SLC39A4: variants seen among roughly 807,000 people sequenced by gnomAD.
The protein encoded by SLC39A4 is zinc transporter ZIP4.
In SLC39A4, 49 loss-of-function variants were observed where a neutral mutation model predicts 56.6. That is an observed-to-expected ratio of 0.87 (90% CI 0.69 to 1.10). The LOEUF (loss-of-function observed/expected upper bound fraction) is 1.10. Among genes scored for constraint, SLC39A4 ranks in the 50% least tolerant of loss-of-function variants. The pLI is 0.00. For missense variants in SLC39A4, 993 were observed against 864.2 expected (o/e 1.15, Z -1.87); for synonymous variants, 540 against 420.4 (o/e 1.28, Z -3.48).
chr8:144,413,423 C>G, intron 9 of SLC39A4, 34 bp from the exon 10 acceptor site: 1 of 1,601,250 alleles, frequency 6.2e-7, no homozygotes, highest in Non-Finnish European at 8.5e-7. Context: ...TTCGCGTGGC[C>G]TGTCGCCTAC....
rs1554873397 is a variant in SLC39A4 at position 144,415,051 on chromosome 8, G to C, written c.727C>G (p.His243Asp). The change falls in exon 4 of 12, where the codon CAT becomes GAT. Residue 243 changes from histidine (H) to aspartate (D), a missense_variant. His to Asp is a moderately conservative substitution (Grantham distance 81, BLOSUM62 -1). Transcript: ENST00000301305. ...CGGCTGCTGGCTCCCCTGTGCCGAT[G>C]ACTGTGGTCACTGTGGGCCTCCCTG... is the stretch of plus-strand genomic sequence containing the variant. ...VGREAHSDHS[H>D]RHRGASSRDP... 7 of 1,611,568 alleles carry C rather than the reference G, an allele frequency of 4.3e-6. No homozygotes were observed. The highest frequency in any genetic ancestry group is 5.9e-6 in the Non-Finnish European group (7 of 1,179,948).
chr8:144,415,691 G>C (rs188379177), intron 2 of SLC39A4, 119 bp downstream of exon 2: 1 of 1,394,452 alleles, frequency 7.2e-7, no homozygotes. Context: ...GCCGCAGGCC[G>C]ACTCCTGGGC....
intron 10 of SLC39A4, 43 bp downstream of exon 10, chr8:144,413,194 G>A (rs1193250512): frequency 1.3e-6 from 1 of 799,006 alleles, no homozygotes; most frequent in Non-Finnish European, 1.8e-6. Flanking sequence ...TCCCAGCCCC[G>A]TGCGGCCCCG....
chr8:144,413,423 C>A (rs1554872348), intron 9 of SLC39A4, 34 bp from the exon 10 acceptor site: 13 of 1,601,250 alleles, frequency 8.1e-6, no homozygotes, highest in Non-Finnish European at 1.0e-5. Flanking sequence ...TTCGCGTGGC[C>A]TGTCGCCTAC....
In SLC39A4 at chr8:144,414,041, G is replaced by T. The variant is rs199542349; in HGVS notation, c.1204C>A (p.Arg402Ser). The T allele has an allele frequency of 1.3e-6, 2 of 1,582,568 alleles. No individual in the cohort carries two copies. Among genetic ancestry groups the T allele is most frequent in the Admixed American group, 1.8e-5 (1 of 55,270 alleles). ...EEGLSPQPTW[R>S]LLAMLAGLYA... ...AGCCCGGCCAGCATAGCCAGGAGGC[G>T]CCAGGTGGGCTGTGGGCTGAGGCCC... Residue 402 changes from arginine (R) to serine (S), a missense_variant, in exon 7 of 12, where the codon CGC becomes AGC. Coordinates refer to ENST00000301305, the MANE Select transcript of SLC39A4 (RefSeq NM_130849.4).
Position 144,413,857 on chromosome 8 carries a change from G to A in SLC39A4, c.1312C>T (p.His438Tyr), listed in dbSNP as rs535604246. The A allele has an allele frequency of 6.2e-7, 1 of 1,600,794 alleles. No homozygotes were observed. The highest frequency in any genetic ancestry group is 8.5e-7 in the Non-Finnish European group (1 of 1,176,612). The stretch of plus-strand genomic sequence containing the variant: ...TGGCCCCCGTGGCTATGGCTGCTGT[G>A]GCCGCAGGGCCCGTCCTCCAGGTCC... The part of the protein sequence containing the change: ...PEDLEDGPCG[H>Y]SSHSHGGHSH... Residue 438 changes from histidine to tyrosine, a missense_variant, in exon 8 of 12, where the codon CAC becomes TAC. His to Tyr is a moderately conservative substitution (Grantham distance 83). Transcript: ENST00000301305.
chr8:144,415,944 C>T lies in SLC39A4; in HGVS notation c.340G>A (p.Ala114Thr), dbSNP rs17855765. 781,102 of 1,591,926 alleles carry T rather than the reference C, an allele frequency of 0.49. 195,443 individuals are homozygous for T. The highest frequency in any genetic ancestry group is 0.6 in the Middle Eastern group (3,627 of 6,010). ...LSNPEGTCEDARAGLWASHAD... is the reference protein window; with the variant it reads ...LSNPEGTCEDTRAGLWASHAD... ...TGAGAGGCCCAGAGGCCAGCCCGAG[C>T]GTCCTCACAGGTGCCCTCGGGGTTG... The change falls in exon 2 of 12, where the codon GCT becomes ACT. Residue 114 changes from alanine to threonine, a missense_variant. Coordinates refer to ENST00000301305, the MANE Select transcript of SLC39A4 (RefSeq NM_130849.4).
Position 144,416,069 on chromosome 8 carries a change from A to G in SLC39A4, c.215T>C (p.Leu72Pro). 1 of 1,595,108 alleles carries G rather than the reference A, an allele frequency of 6.3e-7. No individual in the cohort carries two copies. The highest frequency in any genetic ancestry group is 8.5e-7 in the Non-Finnish European group (1 of 1,174,300). Residue 72 changes from leucine to proline, a missense_variant, in exon 2 of 12, where the codon CTG (leucine) becomes CCG (proline). Physicochemically the swap from Leu to Pro is moderately conservative, Grantham distance 98. Coordinates refer to ENST00000301305, the MANE Select transcript of SLC39A4 (RefSeq NM_130849.4). Reference protein sequence around the residue: ...CGKCLSVEDALGLGEPEGSGL... With the variant: ...CGKCLSVEDAPGLGEPEGSGL... Reference sequence around the variant, plus strand: ...TGACCCCTCAGGCTCGCCCAGGCCCAGGGCGTCCTCCACAGACAGGCACTG... The same window carrying G: ...TGACCCCTCAGGCTCGCCCAGGCCCGGGGCGTCCTCCACAGACAGGCACTG...
At position 144,413,790 on chromosome 8, in the gene SLC39A4, C is replaced by G. The variant is rs1554872607; in HGVS notation, c.1379G>C (p.Arg460Pro). The change falls in exon 8 of 12, where the codon CGG becomes CCG. Residue 460 changes from arginine (R) to proline (P), a missense_variant. By Grantham distance (103) the Arg-to-Pro change is moderately radical. Coordinates refer to ENST00000301305, the MANE Select transcript of SLC39A4 (RefSeq NM_130849.4). ...VSLQLAPSEL[R>P]QPKPPHEGSR... ...GCCCTCGTGGGGGGGCTTGGGCTGC[C>G]GGAGCTCGCTGGGTGCCAGCTGCAG... is the stretch of plus-strand genomic sequence containing the variant. The G allele has an allele frequency of 6.4e-7, 1 of 1,553,760 alleles. No homozygotes were observed. The highest frequency in any genetic ancestry group is 2.3e-4 in the Middle Eastern group (1 of 4,414).
chr8:144,414,178 GTGGGTAAGGTCCC>G, intron 6 of SLC39A4, 71 bp downstream of exon 6: 1 of 1,572,016 alleles, frequency 6.4e-7, no homozygotes, highest in Non-Finnish European at 8.6e-7. Flanking sequence ...AGGAGGTGGG[GTGGGTAAGGTCCC>G]TGGGAGGGCA....
At position 144,414,390 on chromosome 8, in the gene SLC39A4, C is replaced by A; in HGVS notation, c.1021G>T (p.Ala341Ser). Reference protein sequence around the residue: ...SLATLLICLCAVFGLLLLTCT... With the variant: ...SLATLLICLCSVFGLLLLTCT... ...GTCAGCAGCAGGAGGCCAAAGACCG[C>A]GCAGAGGCAGATGAGCAGCGTGGCC... Residue 341 changes from alanine (A) to serine (S), a missense_variant, in exon 6 of 12, where the codon GCG becomes TCG. Transcript: ENST00000301305. 4 of 1,575,942 alleles carry A rather than the reference C, an allele frequency of 2.5e-6. No homozygotes were observed. The highest frequency in any genetic ancestry group is 3.4e-6 in the Non-Finnish European group (4 of 1,161,712).
At position 144,415,389 on chromosome 8, in the gene SLC39A4, C is replaced by T; in HGVS notation, c.505G>A (p.Glu169Lys). ...ACVDIPQLLE[E>K]AVGAGAPGSA... Reference sequence around the variant, plus strand: ...CCCGGAGCCCCCGCCCCCACCGCCTCCTCCAGCAGCTGAGGGATATCTACG... The same window carrying T: ...CCCGGAGCCCCCGCCCCCACCGCCTTCTCCAGCAGCTGAGGGATATCTACG... The change falls in exon 3 of 12, where the codon GAG (glutamate) becomes AAG (lysine). Residue 169 changes from glutamate to lysine, a missense_variant. Physicochemically the swap from Glu to Lys is moderately conservative, Grantham distance 56. Coordinates refer to ENST00000301305, the MANE Select transcript of SLC39A4 (RefSeq NM_130849.4). 7 of 1,607,260 alleles carry T rather than the reference C, an allele frequency of 4.4e-6. No individual in the cohort carries two copies. The highest frequency in any genetic ancestry group is 5.9e-6 in the Non-Finnish European group (7 of 1,177,550).
intron 11 of SLC39A4, 23 bp from the exon 12 acceptor site, chr8:144,412,689 G>C (rs782399481): frequency 1.5e-5 from 25 of 1,613,626 alleles, no homozygotes; most frequent in Non-Finnish European, 2.0e-5. Context: ...TGGGCACCGG[G>C]TCAGCGCCCC....
In SLC39A4 at chr8:144,415,396, C is replaced by T. The variant is rs1554873637; in HGVS notation, c.498G>A (p.Leu166=). The T allele has an allele frequency of 6.2e-7, 1 of 1,606,502 alleles. No homozygotes were observed. ...CCCCCGCCCCCACCGCCTCCTCCAG[C>T]AGCTGAGGGATATCTACGCAGGCCT... The part of the protein sequence containing the change: ...PKMACVDIPQ[L]LEEAVGAGAP... Residue 166 remains leucine (L), a synonymous_variant, in exon 3 of 12, where the codon CTG becomes CTA. Transcript: ENST00000301305.
Position 144,414,376 on chromosome 8 carries a change from G to A in SLC39A4, c.1035C>T (p.Leu345=), listed in dbSNP as rs782166922. Reference sequence around the variant, plus strand: ...TGCAGCCAGTGCAGGTCAGCAGCAGGAGGCCAAAGACCGCGCAGAGGCAGA... The same window carrying A: ...TGCAGCCAGTGCAGGTCAGCAGCAGAAGGCCAAAGACCGCGCAGAGGCAGA... ...LLICLCAVFG[L]LLLTCTGCRG... The change falls in exon 6 of 12, where the codon CTC becomes CTT. Residue 345 remains leucine, a synonymous_variant. Transcript: ENST00000301305. 2 of 1,583,370 alleles carry A rather than the reference G, an allele frequency of 1.3e-6. No individual in the cohort carries two copies. The highest frequency in any genetic ancestry group is 1.7e-6 in the Non-Finnish European group (2 of 1,166,160).
At position 144,415,285 on chromosome 8, in the gene SLC39A4, C is replaced by T. The variant is rs147775383; in HGVS notation, c.609G>A (p.Gln203=). The change falls in exon 3 of 12, where the codon CAG becomes CAA. Residue 203 remains glutamine, a synonymous_variant. Transcript: ENST00000301305. ...GSCFHALPSP[Q]YFVDFVFQQH... ...GCTGGAACACAAAGTCCACGAAGTA[C>T]TGAGGGCTCGGCAAGGCGTGGAAGC... The T allele has an allele frequency of 5.1e-5, 82 of 1,613,282 alleles. No individual in the cohort carries two copies. The highest frequency in any genetic ancestry group is 1.3e-4 in the African/African-American group (10 of 75,030).
In SLC39A4 at chr8:144,412,658, C is replaced by T. The variant is rs782287579; in HGVS notation, c.1824G>A (p.Ala608=). 2 of 1,613,986 alleles carry T rather than the reference C, an allele frequency of 1.2e-6. No homozygotes were observed. The highest frequency in any genetic ancestry group is 2.2e-5 in the East Asian group (1 of 44,884). The change falls in exon 12 of 12, where the codon GCG becomes GCA. Residue 608 remains alanine, a synonymous_variant. Transcript: ENST00000301305. Reference sequence around the variant, plus strand: ...GCCGCGGGTCCCGTACTTTCAACATCGCCGGGAGCTGAGGAGCAAGTGGGC... The same window carrying T: ...GCCGCGGGTCCCGTACTTTCAACATTGCCGGGAGCTGAGGAGCAAGTGGGC... ...LYVALCDMLP[A]MLKVRDPRPW...
At chr8:144,413,026 C>A in intron 10 of SLC39A4, 80 bp from the exon 11 acceptor site, 7 of 1,519,116 alleles carry the variant, frequency 4.6e-6, no homozygotes, top group Non-Finnish European at 6.2e-6. Context: ...GCCCTCTTAC[C>A]ACCAGGCCCC....
rs782596866 is a variant in SLC39A4, at chr8:144,413,791, G to T, written c.1378C>A (p.Arg460=). The change falls in exon 8 of 12, where the codon CGG becomes AGG. Residue 460 remains arginine, a synonymous_variant. Coordinates refer to ENST00000301305, the MANE Select transcript of SLC39A4 (RefSeq NM_130849.4). ...CCCTCGTGGGGGGGCTTGGGCTGCCGGAGCTCGCTGGGTGCCAGCTGCAGG... is the reference window on the plus strand; with the variant it reads ...CCCTCGTGGGGGGGCTTGGGCTGCCTGAGCTCGCTGGGTGCCAGCTGCAGG... The part of the protein sequence containing the change: ...VSLQLAPSEL[R]QPKPPHEGSR... The T allele has an allele frequency of 9.6e-6, 15 of 1,554,666 alleles. No individual in the cohort carries two copies. The South Asian group carries it at 1.8e-4, about 18-fold the overall frequency.
Sources: gnomAD v4.1 joint callset for allele counts on GRCh38, gnomAD v4.1.1 for gene constraint, MANE v1.5 for transcripts, NCBI Gene and HGNC (gene_info 2026-07-23, HGNC 2026-07-21) for gene names.